The following THRB variants were observed in gnomAD, a reference collection of about 807,000 sequenced individuals.
THRB encodes the protein thyroid hormone receptor beta.
A neutral mutation model predicts 47.8 loss-of-function variants in THRB; 12 were observed. The ratio of observed to expected loss-of-function variants is 0.25; its 90% CI spans 0.16 to 0.41. THRB has a LOEUF of 0.41. THRB is among the 10% of genes least tolerant of loss of function. The pLI is 1.00. For missense variants in THRB, 348 were observed against 589.2 expected (o/e 0.59, Z 4.24); for synonymous variants, 218 against 212.2 (o/e 1.03, Z -0.24).
At chr3:24,286,916 G>A (rs1294527625) in intron 3 of THRB, among the ~76,000 whole-genome samples, 1 of 152,190 alleles carries the variant, frequency 6.6e-6, no homozygotes, top group East Asian at 1.9e-4. Flanking sequence ...GGCTTAAAAT[G>A]ACCCTTCTCA....
Position 24,118,106 on chromosome 3 carries a change from C to T in THRB, c.*4778G>A, listed in dbSNP as rs1379231236. 1 of 152,492 alleles carries T rather than the reference C, an allele frequency of 6.6e-6. No individual in the cohort carries two copies. The highest frequency in any genetic ancestry group is 2.4e-5 in the African/African-American group (1 of 41,408). The allele number at this position is 152,492 out of a possible 1,614,324, so 9.4% of individuals were successfully genotyped here. A position where few individuals can be genotyped will look rare whatever the true frequency, so the allele number is the denominator to read the frequency against. On this transcript the variant is annotated 3_prime_UTR_variant, in exon 11 of 11. Transcript: ENST00000646209. ...GATGTTTATTTATGAAATAAATGTC[C>T]TTACATCCGTGGTTCCGTCTTTTGG...
chr3:24,203,878 G>A (rs1266030111), intron 4 of THRB, among the ~76,000 whole-genome samples: 1 of 152,232 alleles, frequency 6.6e-6, no homozygotes, highest in African/African-American at 2.4e-5. Context: ...CTGGCTTGGA[G>A]GGTCCCACGC....
At chr3:24,255,073 G>T (rs2051113064) in intron 3 of THRB, among the ~76,000 whole-genome samples, 1 of 152,176 alleles carries the variant, frequency 6.6e-6, no homozygotes, top group Non-Finnish European at 1.5e-5. Flanking sequence ...CATCCACCAA[G>T]ATATAGGCTT....
At chr3:24,354,160 T>C (rs2063526167) in intron 1 of THRB, among the ~76,000 whole-genome samples, 1 of 151,994 alleles carries the variant, frequency 6.6e-6, no homozygotes, top group Non-Finnish European at 1.5e-5. Context: ...CACTTATAAG[T>C]AGGAGCTAAA....
intron 5 of THRB, among the ~76,000 whole-genome samples, chr3:24,181,408 G>A (rs2041881204): frequency 1.3e-5 from 2 of 152,196 alleles, no homozygotes; most frequent in South Asian, 4.2e-4. Flanking sequence ...AGAACCAATG[G>A]TCATCTGTTC....
intron 4 of THRB, among the ~76,000 whole-genome samples, chr3:24,194,402 T>C (rs1210589391): frequency 6.6e-6 from 1 of 152,228 alleles, no homozygotes; most frequent in Non-Finnish European, 1.5e-5. Flanking sequence ...GTTATTCATA[T>C]AAATTATGAA....
intron 1 of THRB, among the ~76,000 whole-genome samples, chr3:24,392,809 C>G (rs987859928): frequency 1.3e-5 from 2 of 152,092 alleles, no homozygotes; most frequent in African/African-American, 4.8e-5. Flanking sequence ...AAAGGATTTT[C>G]ATAGATTTAG....
intron 3 of THRB, among the ~76,000 whole-genome samples, chr3:24,256,750 A>G (rs948257230): frequency 2.0e-5 from 3 of 151,740 alleles, no homozygotes; most frequent in African/African-American, 7.3e-5. Context: ...GATAGGTTTC[A>G]TTTTCTCTGA....
chr3:24,488,733 G>C (rs1279821434), intron 1 of THRB, among the ~76,000 whole-genome samples: 1 of 152,068 alleles, frequency 6.6e-6, no homozygotes, highest in East Asian at 1.9e-4. Flanking sequence ...ATCCTTCACT[G>C]CCTTAAATGA....
intron 3 of THRB, among the ~76,000 whole-genome samples, chr3:24,231,911 A>T (rs1254981449): frequency 6.6e-6 from 1 of 152,236 alleles, no homozygotes; most frequent in Non-Finnish European, 1.5e-5. Flanking sequence ...GCCAGGAAGG[A>T]AACAAAAACA....
intron 1 of THRB, among the ~76,000 whole-genome samples, chr3:24,351,248 G>C (rs73043725): frequency 0.047 from 7,194 of 152,100 alleles, 225 homozygotes; most frequent in Middle Eastern, 0.089. Flanking sequence ...TGGCCACAGA[G>C]AGAAATTTTA....
At chr3:24,153,433 A>T (rs904797738) in intron 5 of THRB, among the ~76,000 whole-genome samples, 1 of 152,246 alleles carries the variant, frequency 6.6e-6, no homozygotes, top group Non-Finnish European at 1.5e-5. Context: ...TAAACTTGTG[A>T]TATTATGATA....
chr3:24,165,371 A>G (rs762064893), intron 5 of THRB: 2 of 748,628 alleles, frequency 2.7e-6, no homozygotes, highest in South Asian at 2.8e-5. Context: ...TCCCTGGTTC[A>G]GTTTCTAGTT....
intron 1 of THRB, among the ~76,000 whole-genome samples, chr3:24,441,307 G>A (rs2071502316): frequency 6.6e-6 from 1 of 152,190 alleles, no homozygotes; most frequent in Admixed American, 6.5e-5. Flanking sequence ...GCAAAGAGAG[G>A]AGATTAGAGA....
At chr3:24,460,154 T>C (rs1448339718) in intron 1 of THRB, among the ~76,000 whole-genome samples, 1 of 152,230 alleles carries the variant, frequency 6.6e-6, no homozygotes, top group Non-Finnish European at 1.5e-5. Context: ...GAGAATGTAT[T>C]ATCTGGTGAA....
intron 3 of THRB, among the ~76,000 whole-genome samples, chr3:24,253,748 G>A (rs192683564): frequency 3.0e-4 from 46 of 152,058 alleles, no homozygotes; most frequent in African/African-American, 1.1e-3. Flanking sequence ...AAACCACTAC[G>A]GTGGCCAAAT....
intron 1 of THRB, among the ~76,000 whole-genome samples, chr3:24,435,639 C>G (rs1207240069): frequency 6.6e-6 from 1 of 152,200 alleles, no homozygotes; most frequent in Non-Finnish European, 1.5e-5. Context: ...GGAATGGAAG[C>G]TTTCCCATAT....
intron 4 of THRB, among the ~76,000 whole-genome samples, chr3:24,218,785 A>G (rs1190113397): frequency 6.6e-6 from 1 of 152,178 alleles, no homozygotes; most frequent in African/African-American, 2.4e-5. Flanking sequence ...AGTGAGTTAA[A>G]CATGTAGATC....
intron 3 of THRB, among the ~76,000 whole-genome samples, chr3:24,244,423 T>TGG (rs2049900596): frequency 6.6e-6 from 1 of 152,184 alleles, no homozygotes; most frequent in African/African-American, 2.4e-5. Context: ...TCCTTATCTC[T>TGG]CATTTGCTGC....
Sources: allele counts gnomAD v4.1 joint callset (sites outside exome capture counted in the v4.1 genomes callset), GRCh38; gene constraint gnomAD v4.1.1; transcripts MANE v1.5; gene names NCBI Gene and HGNC (gene_info 2026-07-23, HGNC 2026-07-21).